The following KCNMA1 variants were observed in gnomAD, a reference collection of about 807,000 sequenced individuals.
KCNMA1 encodes the protein potassium calcium-activated channel subfamily M alpha 1.
KCNMA1 carries 29 observed loss-of-function variants against 140.0 expected under a neutral mutation model. That is an observed-to-expected ratio of 0.21 (90% CI 0.15 to 0.28). KCNMA1 has a LOEUF of 0.28. KCNMA1 is among the 10% of genes least tolerant of loss of function. KCNMA1 has a pLI of 1.00. For missense variants in KCNMA1, 880 were observed against 1,602.2 expected (o/e 0.55, Z 7.70); for synonymous variants, 612 against 611.9 (o/e 1.00, Z 0.00).
rs183242986 is a variant in KCNMA1, at chr10:77,349,962, C to T, written c.540+53900G>A. On this transcript the variant is annotated intron_variant, in intron 2 of 27. Coordinates refer to ENST00000286628, the MANE Select transcript of KCNMA1 (RefSeq NM_001161352.2). ...AGCCTGGAGTATAGTGGTACGATCT[C>T]GGCTTGGCTCACCGCAACCTCTGCC... is the stretch of plus-strand genomic sequence containing the variant. Among the ~76,000 whole-genome samples the T allele has an allele frequency of 1.7e-3, 257 of 152,042 alleles. 2 individuals carry two copies. Among genetic ancestry groups the T allele is most frequent in the African/African-American group, 6.0e-3 (249 of 41,470 alleles).
chr10:77,311,169 TCAC>T (rs2079158384), intron 2 of KCNMA1, among the ~76,000 whole-genome samples: 1 of 152,182 alleles, frequency 6.6e-6, no homozygotes, highest in African/African-American at 2.4e-5. Context: ...GCAAGAAGAA[TCAC>T]CACAATGCAT....
intron 1 of KCNMA1, among the ~76,000 whole-genome samples, chr10:77,416,064 C>G (rs527292939): frequency 9.9e-5 from 15 of 152,280 alleles, no homozygotes; most frequent in African/African-American, 3.4e-4. Context: ...GATTATCCCA[C>G]AAAAAGTCTA....
intron 2 of KCNMA1, among the ~76,000 whole-genome samples, chr10:77,374,040 T>C (rs61867277): frequency 0.039 from 5,972 of 152,284 alleles, 186 homozygotes; most frequent in Non-Finnish European, 0.065. Context: ...TTGGCATATG[T>C]CAATGGCTGA....
intron 23 of KCNMA1, among the ~76,000 whole-genome samples, chr10:76,923,121 G>T: frequency 6.6e-6 from 1 of 152,102 alleles, no homozygotes; most frequent in South Asian, 2.1e-4. Flanking sequence ...TACATTTTGG[G>T]TCCAACCCAA....
chr10:77,463,606 C>G lies in KCNMA1; in HGVS notation c.379-59583G>C, dbSNP rs16934833. On this transcript the variant is annotated intron_variant, in intron 1 of 27. Transcript: ENST00000286628. ...TTAGCACTCAGGGTGGTTTATTGCTCCAAGAGGGAGTTAATTCAGGCACTC... is the reference window on the plus strand; with the variant it reads ...TTAGCACTCAGGGTGGTTTATTGCTGCAAGAGGGAGTTAATTCAGGCACTC... Among the ~76,000 whole-genome samples the G allele has an allele frequency of 4.7e-3, 719 of 152,238 alleles. 24 individuals carry two copies. In the East Asian group the frequency reaches 0.1, roughly 21 times the overall value.
At chr10:77,048,299 G>A (rs1171574328) in intron 14 of KCNMA1, among the ~76,000 whole-genome samples, 2 of 152,124 alleles carry the variant, frequency 1.3e-5, no homozygotes, top group African/African-American at 4.8e-5. Flanking sequence ...GTATCAAACA[G>A]CTCACAGTCC....
chr10:77,573,726 T>C (rs532199489), intron 1 of KCNMA1, among the ~76,000 whole-genome samples: 2 of 145,556 alleles, frequency 1.4e-5, no homozygotes, highest in African/African-American at 2.5e-5. Flanking sequence ...TAGAATAGAA[T>C]AGGTCTGTAC....
At chr10:77,170,863 G>A (rs536262760) in intron 5 of KCNMA1, among the ~76,000 whole-genome samples, 2 of 152,270 alleles carry the variant, frequency 1.3e-5, no homozygotes, top group South Asian at 2.1e-4. Flanking sequence ...AAGAGCTATG[G>A]GAAAAGGGTT....
At chr10:77,410,549 G>T (rs1412133129) in intron 1 of KCNMA1, among the ~76,000 whole-genome samples, 5 of 152,188 alleles carry the variant, frequency 3.3e-5, no homozygotes, top group Non-Finnish European at 4.4e-5. Context: ...AGGCCATCTG[G>T]GAAGAAAAAT....
chr10:77,144,228 T>C (rs1278276745), intron 5 of KCNMA1, among the ~76,000 whole-genome samples: 1 of 152,202 alleles, frequency 6.6e-6, no homozygotes, highest in Non-Finnish European at 1.5e-5. Context: ...AATGGAATAT[T>C]AGCAGCAATA....
At chr10:77,363,001 C>T (rs1177811517) in intron 2 of KCNMA1, among the ~76,000 whole-genome samples, 1 of 152,236 alleles carries the variant, frequency 6.6e-6, no homozygotes, top group Non-Finnish European at 1.5e-5. Context: ...TCTCCCAATG[C>T]GGACAGGCAC....
At chr10:77,425,876 G>A (rs897905873) in intron 1 of KCNMA1, among the ~76,000 whole-genome samples, 5 of 152,088 alleles carry the variant, frequency 3.3e-5, no homozygotes, top group African/African-American at 4.8e-5. Context: ...TGTTCATCGC[G>A]GTGCTTTCTG....
chr10:77,478,275 C>T (rs1259449130), intron 1 of KCNMA1, among the ~76,000 whole-genome samples: 1 of 152,152 alleles, frequency 6.6e-6, no homozygotes, highest in African/African-American at 2.4e-5. Context: ...TGTGTTAATT[C>T]CCAACAGAGC....
chr10:77,001,441 GACAGAAGA>G lies in KCNMA1; in HGVS notation c.2224_2231del (p.Ser742LeufsTer3), dbSNP rs1391856200. 6.4e-7 allele frequency: 1 copy of G among 1,551,770 alleles called. No individual in the cohort carries two copies. Among genetic ancestry groups the G allele is most frequent in the South Asian group, 1.2e-5 (1 of 84,052 alleles). On this transcript the variant is annotated frameshift_variant, in exon 19 of 28. Coordinates refer to ENST00000286628, the MANE Select transcript of KCNMA1 (RefSeq NM_001161352.2). LOFTEE classifies it high-confidence loss of function. Reference sequence around the variant, plus strand: ...AACTGGTGGAGCAATCATTAACAGAGACAGAAGAAAGTGGGAAGGCTCTCTCAAGGGTG... The same window carrying G: ...AACTGGTGGAGCAATCATTAACAGAGAAGTGGGAAGGCTCTCTCAAGGGTG...
At chr10:77,492,020 G>T (rs1030708189) in intron 1 of KCNMA1, among the ~76,000 whole-genome samples, 3 of 152,110 alleles carry the variant, frequency 2.0e-5, no homozygotes, top group Non-Finnish European at 4.4e-5. Flanking sequence ...CGCCCTGCCG[G>T]TCCCGCCTCA....
intron 14 of KCNMA1, among the ~76,000 whole-genome samples, chr10:77,068,993 G>A (rs763301075): frequency 6.6e-6 from 1 of 151,724 alleles, no homozygotes; most frequent in Admixed American, 6.6e-5. Flanking sequence ...AACCTCATAC[G>A]CTGAAGAGAA....
chr10:77,416,761 C>T (rs770902949), intron 1 of KCNMA1, among the ~76,000 whole-genome samples: 1 of 152,210 alleles, frequency 6.6e-6, no homozygotes, highest in Non-Finnish European at 1.5e-5. Flanking sequence ...GCCCACTCCA[C>T]ATCCTCAAAG....
chr10:77,612,192 C>T (rs891173850), intron 1 of KCNMA1, among the ~76,000 whole-genome samples: 6 of 152,180 alleles, frequency 3.9e-5, no homozygotes, highest in Non-Finnish European at 7.3e-5. Context: ...AGATAATGTG[C>T]ACATTTCACG....
intron 2 of KCNMA1, among the ~76,000 whole-genome samples, chr10:77,360,529 C>T (rs1396217689): frequency 6.6e-6 from 1 of 152,190 alleles, no homozygotes; most frequent in Non-Finnish European, 1.5e-5. Context: ...TGCCTGGACG[C>T]CTGCTGTACC....
Sources: gnomAD v4.1 joint callset for allele counts (sites outside exome capture counted in the v4.1 genomes callset) on GRCh38, gnomAD v4.1.1 for gene constraint, MANE v1.5 for transcripts, NCBI Gene and HGNC (gene_info 2026-07-23, HGNC 2026-07-21) for gene names.